The following CHEK2 variants were observed in gnomAD, a reference collection of about 807,000 sequenced individuals.
CHEK2 encodes the protein serine/threonine-protein kinase Chk2.
Under a neutral mutation model 69.1 loss-of-function variants are expected in CHEK2, and 71 were observed. The observed-to-expected ratio is 1.03, with a 90% CI of 0.85 to 1.25. The LOEUF is 1.25. CHEK2 is among the 50% of genes most tolerant of loss of function. The pLI is 0.00. For synonymous variants in CHEK2, 189 were observed against 226.9 expected, an observed-to-expected ratio of 0.83 and a Z score of 1.50; for missense variants, 664 against 649.6, an observed-to-expected ratio of 1.02 and a Z score of -0.24.
chr22:28,692,931 G>T (rs2052421137), intron 13 of CHEK2, among the ~76,000 whole-genome samples: 1 of 152,148 alleles, frequency 6.6e-6, no homozygotes, highest in Non-Finnish European at 1.5e-5. Context: ...TCTCTCACCT[G>T]CTGCCATTAA....
chr22:28,718,285 G>T (rs545796742), intron 5 of CHEK2, among the ~76,000 whole-genome samples: 3 of 152,108 alleles, frequency 2.0e-5, no homozygotes, highest in Non-Finnish European at 4.4e-5. Flanking sequence ...AACAAATGTT[G>T]GAGAGGATGT....
intron 7 of CHEK2, among the ~76,000 whole-genome samples, chr22:28,703,923 T>G (rs960533249): frequency 6.6e-6 from 1 of 152,052 alleles, no homozygotes; most frequent in Non-Finnish European, 1.5e-5. Context: ...GACTGACAAG[T>G]AGCATGAATA....
intron 14 of CHEK2, 92 bp from the exon 15 acceptor site, chr22:28,688,078 G>C: frequency 5.9e-6 from 6 of 1,015,058 alleles, no homozygotes; most frequent in Non-Finnish European, 8.9e-6. Context: ...CCAGTAAAGT[G>C]GGGGCATTTG....
At chr22:28,706,412 A>T (rs1483285743) in intron 7 of CHEK2, among the ~76,000 whole-genome samples, 2 of 152,052 alleles carry the variant, frequency 1.3e-5, no homozygotes, top group African/African-American at 4.8e-5. Flanking sequence ...AGCTCGAGTC[A>T]TGTGGTCAGG....
chr22:28,688,136 T>C, intron 14 of CHEK2, 150 bp from the exon 15 acceptor site: 1 of 676,056 alleles, frequency 1.5e-6, no homozygotes, highest in Non-Finnish European at 2.6e-6. Context: ...CATTGACAAC[T>C]GAGTCCTCAC....
chr22:28,723,140 G>A (rs2053858383), intron 4 of CHEK2, among the ~76,000 whole-genome samples: 1 of 152,152 alleles, frequency 6.6e-6, no homozygotes, highest in Admixed American at 6.6e-5. Flanking sequence ...GTTCATTTTA[G>A]ATGTTATTTT....
intron 5 of CHEK2, among the ~76,000 whole-genome samples, chr22:28,712,556 C>A (rs2053442425): frequency 6.6e-6 from 1 of 152,174 alleles, no homozygotes; most frequent in Non-Finnish European, 1.5e-5. Flanking sequence ...CACAATCAGC[C>A]TACTTTCAGC....
chr22:28,734,850 T>C, intron 1 of CHEK2, 123 bp from the exon 2 acceptor site: 4 of 794,434 alleles, frequency 5.0e-6, no homozygotes, highest in Non-Finnish European at 8.0e-6. Flanking sequence ...AGGGCAAACA[T>C]GCTCTCCAAA....
intron 4 of CHEK2, among the ~76,000 whole-genome samples, chr22:28,724,129 G>A (rs955232246): frequency 1.3e-5 from 2 of 151,946 alleles, no homozygotes; most frequent in Non-Finnish European, 2.9e-5. Flanking sequence ...CAGTATATGG[G>A]CCAGGCGGGG....
chr22:28,696,197 G>C lies in CHEK2; in HGVS notation c.1096-324C>G, dbSNP rs17883694. Among the ~76,000 whole-genome samples the C allele has an allele frequency of 3.2e-4, 48 of 152,274 alleles. No individual in the cohort carries two copies. The East Asian group carries it at 6.6e-3, about 21-fold the overall frequency. On this transcript the variant is annotated intron_variant, in intron 10 of 14. Transcript: ENST00000404276. ...AGTTCTACATGGTTCTTAGACCCCA[G>C]TGTCTCAAACTTGGCTGCGCTATGG...
At chr22:28,719,339 C>A in intron 5 of CHEK2, 56 bp downstream of exon 5, 1 of 888,890 alleles carries the variant, frequency 1.1e-6, no homozygotes, top group Non-Finnish European at 1.8e-6. Flanking sequence ...GAGAAACCAC[C>A]AATCACAAAT....
Position 28,734,653 on chromosome 22 carries a change from G to A in CHEK2, c.69C>T (p.Gly23=), listed in dbSNP as rs865997083. ...HGSSACSQPH[G]SVTQSQGSSS... is the part of the protein sequence containing the mutation. ...AGGAGCCTTGGGACTGGGTAACGCT[G>A]CCATGGGGCTGTGAACAGGCACTGC... The change falls in exon 2 of 15, where the codon GGC becomes GGT. Residue 23 remains glycine (G), a synonymous_variant. Transcript: ENST00000404276. The A allele has an allele frequency of 6.2e-7, 1 of 1,613,940 alleles. No homozygotes were observed. The highest frequency in any genetic ancestry group is 8.5e-7 in the Non-Finnish European group (1 of 1,180,016).
intron 4 of CHEK2, chr22:28,724,569 C>CT (rs981399635): frequency 1.8e-3 from 502 of 271,736 alleles, no homozygotes; most frequent in South Asian, 3.6e-3. Context: ...ACTTACTCAT[C>CT]TTTTTTTTTG....
chr22:28,733,559 T>C (rs1213624972), intron 2 of CHEK2, among the ~76,000 whole-genome samples: 2 of 152,168 alleles, frequency 1.3e-5, no homozygotes, highest in Non-Finnish European at 2.9e-5. Context: ...TCAAGCATTC[T>C]GCTGCAACTA....
At chr22:28,703,468 A>T (rs2145876017) in intron 8 of CHEK2, 37 bp downstream of exon 8, 1 of 1,093,768 alleles carries the variant, frequency 9.1e-7, no homozygotes, top group East Asian at 2.5e-5. Flanking sequence ...AAAGCATTTG[A>T]ATGGAAACAG....
rs1382848444 is a variant in CHEK2 at position 28,714,658 on chromosome 22, AT to A, written c.684-2642del. 2.6e-5 allele frequency among the ~76,000 whole-genome samples: 4 copies of A among 151,994 alleles called. No individual in the cohort carries two copies. The East Asian group carries it at 7.7e-4, about 29-fold the overall frequency. On this transcript the variant is annotated intron_variant, in intron 5 of 14. Transcript: ENST00000404276. ...AATTTTGATTAAGTCTAATTTATCT[AT>A]TTTTTCTTTTGTTGCTGTGCTTTTG... is the stretch of plus-strand genomic sequence containing the variant.
At chr22:28,707,207 C>T (rs2053185624) in intron 7 of CHEK2, among the ~76,000 whole-genome samples, 1 of 152,210 alleles carries the variant, frequency 6.6e-6, no homozygotes, top group African/African-American at 2.4e-5. Flanking sequence ...TACTAACCCA[C>T]ACCTTCCACT....
intron 13 of CHEK2, among the ~76,000 whole-genome samples, chr22:28,690,041 C>A (rs2052298739): frequency 6.6e-6 from 1 of 152,198 alleles, no homozygotes. Context: ...GTGGCATGTG[C>A]AGAATACAGA....
At chr22:28,712,135 T>C (rs902885273) in intron 5 of CHEK2, 118 bp from the exon 6 acceptor site, 3 of 723,078 alleles carry the variant, frequency 4.1e-6, no homozygotes, top group East Asian at 2.9e-5. Context: ...GCCTTTCCAT[T>C]GTCCCTGTTT....
Sources: allele counts gnomAD v4.1 joint callset (sites outside exome capture counted in the v4.1 genomes callset), GRCh38; gene constraint gnomAD v4.1.1; transcripts MANE v1.5; gene names NCBI Gene and HGNC (gene_info 2026-07-23, HGNC 2026-07-21).